Variants in C1RL observed in about 807,000 individuals in gnomAD.
C1RL encodes complement C1r subcomponent like.
C1RL carries 27 observed loss-of-function variants against 27.9 expected under a neutral mutation model. The observed-to-expected ratio is 0.97, with a 90% CI of 0.71 to 1.33. The LOEUF (loss-of-function observed/expected upper bound fraction) is 1.33, where lower values mean the gene tolerates loss of function less well. Ranked by LOEUF, C1RL falls within the 40% of genes most tolerant of loss-of-function variation. C1RL has a pLI of 0.00. For synonymous variants in C1RL, 248 were observed against 252.1 expected, an observed-to-expected ratio of 0.98 and a Z score of 0.15; for missense variants, 563 against 623.9, an observed-to-expected ratio of 0.90 and a Z score of 1.04.
rs1208412230 is a variant in C1RL, at chr12:7,094,644, T to C, written c.*1747A>G. The C allele has an allele frequency of 6.1e-6, 6 of 977,408 alleles. No individual in the cohort carries two copies. In the South Asian group the frequency reaches 1.4e-4, roughly 23 times the overall value. The allele number at this position is 977,408 out of a possible 1,614,324, so 60.5% of individuals were successfully genotyped here. A position where few individuals can be genotyped will look rare whatever the true frequency, so the allele number is the denominator to read the frequency against. On this transcript the variant is annotated 3_prime_UTR_variant, in exon 6 of 6. Coordinates refer to ENST00000266542, the MANE Select transcript of C1RL (RefSeq NM_016546.4). ...AAATAAGCAAAATAAAATAAAAACA[T>C]TTCATGCTCATTAAACAAATTTTAG...
intron 2 of C1RL, among the ~76,000 whole-genome samples, chr12:7,106,971 T>G (rs1180227232): frequency 6.6e-6 from 1 of 152,176 alleles, no homozygotes; most frequent in Non-Finnish European, 1.5e-5. Context: ...AAGCTAGTCC[T>G]TATCTTCTAT....
intron 2 of C1RL, among the ~76,000 whole-genome samples, chr12:7,103,216 C>G (rs1472252222): frequency 6.6e-6 from 1 of 152,218 alleles, no homozygotes; most frequent in Non-Finnish European, 1.5e-5. Context: ...AAATGGTGCT[C>G]AACTGCTCTA....
Position 7,095,105 on chromosome 12 carries a change from T to G in C1RL, c.*1286A>C. Reference sequence around the variant, plus strand: ...TGTATTTTATTTGTGTCTTTCACTGTAAATCACCTCCAATCTTTTTTTTTT... The same window carrying G: ...TGTATTTTATTTGTGTCTTTCACTGGAAATCACCTCCAATCTTTTTTTTTT... On this transcript the variant is annotated 3_prime_UTR_variant, in exon 6 of 6. Transcript: ENST00000266542. The G allele has an allele frequency of 1.6e-6, 2 of 1,232,520 alleles. No individual in the cohort carries two copies. Among genetic ancestry groups the G allele is most frequent in the Non-Finnish European group, 1.0e-6 (1 of 967,912 alleles). The allele number at this position is 1,232,520 out of a possible 1,614,324, so 76.3% of individuals were successfully genotyped here. A position where few individuals can be genotyped will look rare whatever the true frequency, so the allele number is the denominator to read the frequency against.
chr12:7,096,454 G>T lies in C1RL; in HGVS notation c.1401C>A (p.Asp467Glu). The T allele has an allele frequency of 6.2e-7, 1 of 1,614,018 alleles. No homozygotes were observed. The highest frequency in any genetic ancestry group is 8.5e-7 in the Non-Finnish European group (1 of 1,179,980). The part of the protein sequence containing the change: ...SWGIGCGEGY[D>E]FYTKVLSYVD... ...CATAGCTGAGCACCTTGGTGTAGAAGTCATACCCTTCGCCACACCCTATGC... is the reference window on the plus strand; with the variant it reads ...CATAGCTGAGCACCTTGGTGTAGAATTCATACCCTTCGCCACACCCTATGC... Residue 467 changes from aspartate (D) to glutamate (E), a missense_variant, in exon 6 of 6, where the codon GAC becomes GAA. Physicochemically the swap from Asp to Glu is conservative, Grantham distance 45. Coordinates refer to ENST00000266542, the MANE Select transcript of C1RL (RefSeq NM_016546.4).
chr12:7,100,380 C>T (rs1938582990), intron 3 of C1RL, among the ~76,000 whole-genome samples: 1 of 152,104 alleles, frequency 6.6e-6, no homozygotes, highest in African/African-American at 2.4e-5. Flanking sequence ...CACATGTGCT[C>T]AAAGATGTAA....
chr12:7,108,994 G>GTGTGTGTGTGTGTAT lies in C1RL; in HGVS notation c.71+115_71+116insATACACACACACACA, dbSNP rs1365163652. ...GTGTGTGTGTGTGTGTGTGTGGGGGGGGGGGGGATGTGTGTGTGGGGGGGG... is the reference window on the plus strand; with the variant it reads ...GTGTGTGTGTGTGTGTGTGTGGGGGGTGTGTGTGTGTGTATGGGGGGGATGTGTGTGTGGGGGGGG... On this transcript the variant is annotated intron_variant, in intron 1 of 5. Coordinates refer to ENST00000266542, the MANE Select transcript of C1RL (RefSeq NM_016546.4). 193 of 382,620 alleles carry GTGTGTGTGTGTGTAT rather than the reference G, an allele frequency of 5.0e-4. 3 individuals are homozygous for GTGTGTGTGTGTGTAT. The highest frequency in any genetic ancestry group is 1.9e-3 in the Middle Eastern group (3 of 1,570). 23.7% of individuals were successfully genotyped at this position (382,620 alleles called of 1,614,324 possible).
rs11055572 is a variant in C1RL, at chr12:7,095,130, T to G, written c.*1261A>C. The G allele has an allele frequency of 0.041, 50,502 of 1,235,276 alleles. 1,181 individuals carry two copies. The highest frequency in any genetic ancestry group is 0.047 in the Non-Finnish European group (44,816 of 963,732). 76.5% of individuals were successfully genotyped at this position (1,235,276 alleles called of 1,614,324 possible). A position where few individuals can be genotyped will look rare whatever the true frequency, so the allele number is the denominator to read the frequency against. On this transcript the variant is annotated 3_prime_UTR_variant, in exon 6 of 6. Coordinates refer to ENST00000266542, the MANE Select transcript of C1RL (RefSeq NM_016546.4). ...TAAATCACCTCCAATCTTTTTTTTT[T>G]GGGGGGGATGAAGTCTTGGTCTGTC...
rs1179824063 is a variant in C1RL at position 7,095,386 on chromosome 12, T to C, written c.*1005A>G. 9.8e-7 allele frequency: 1 copy of C among 1,017,188 alleles called. No individual in the cohort carries two copies. The highest frequency in any genetic ancestry group is 1.2e-6 in the Non-Finnish European group (1 of 847,010). The allele number at this position is 1,017,188 out of a possible 1,614,324, so 63.0% of individuals were successfully genotyped here. A position where few individuals can be genotyped will look rare whatever the true frequency, so the allele number is the denominator to read the frequency against. Reference sequence around the variant, plus strand: ...ACCTCGGACTCCTAAGGTGTTGGGATTACAGGCGTGAGCCACTGCGCCCGG... The same window carrying C: ...ACCTCGGACTCCTAAGGTGTTGGGACTACAGGCGTGAGCCACTGCGCCCGG... On this transcript the variant is annotated 3_prime_UTR_variant, in exon 6 of 6. Transcript: ENST00000266542.
chr12:7,101,775 G>A, intron 3 of C1RL, 123 bp downstream of exon 3: 1 of 1,030,976 alleles, frequency 9.7e-7, no homozygotes, highest in Non-Finnish European at 1.5e-6. Context: ...CTGGGATCCA[G>A]CCCAGGTGTC....
chr12:7,100,860 A>G (rs1938596817), intron 3 of C1RL, among the ~76,000 whole-genome samples: 2 of 152,144 alleles, frequency 1.3e-5, no homozygotes, highest in African/African-American at 4.8e-5. Flanking sequence ...GATGATCTTT[A>G]AGATATATTA....
At position 7,109,125 on chromosome 12, in the gene C1RL, C is replaced by A; in HGVS notation, c.56G>T (p.Gly19Val). Residue 19 changes from glycine (G) to valine (V), a missense_variant, in exon 1 of 6, where the codon GGC becomes GTC. By Grantham distance (109) the Gly-to-Val change is moderately radical. Transcript: ENST00000266542. ...KYLWRSPHSK[G>V]CPGAMWWLLL... ...CCACACTCACATTGCGCCTGGACAG[C>A]CTTTGGAGTGAGGGCTTCTCCAGAG... 3 of 1,595,490 alleles carry A rather than the reference C, an allele frequency of 1.9e-6. No individual in the cohort carries two copies. The highest frequency in any genetic ancestry group is 1.1e-5 in the South Asian group (1 of 87,938).
At position 7,095,828 on chromosome 12, in the gene C1RL, G is replaced by C; in HGVS notation, c.*563C>G. 1 of 785,526 alleles carries C rather than the reference G, an allele frequency of 1.3e-6. No individual in the cohort carries two copies. The highest frequency in any genetic ancestry group is 1.5e-6 in the Non-Finnish European group (1 of 647,894). The allele number at this position is 785,526 out of a possible 1,614,324, so 48.7% of individuals were successfully genotyped here. A position where few individuals can be genotyped will look rare whatever the true frequency, so the allele number is the denominator to read the frequency against. On this transcript the variant is annotated 3_prime_UTR_variant, in exon 6 of 6. Transcript: ENST00000266542. ...CACATCCTTTGCAAATATGGTATGAGGATTAAGTGAAATAACAGGTGAAGC... is the reference window on the plus strand; with the variant it reads ...CACATCCTTTGCAAATATGGTATGACGATTAAGTGAAATAACAGGTGAAGC...
chr12:7,108,548 G>A, intron 1 of C1RL, 69 bp from the exon 2 acceptor site: 1 of 1,318,630 alleles, frequency 7.6e-7, no homozygotes, highest in South Asian at 1.4e-5. Flanking sequence ...TGTGGGAGGA[G>A]CGGGGGAGCC....
At chr12:7,105,688 A>G (rs775713611) in intron 2 of C1RL, among the ~76,000 whole-genome samples, 2 of 152,284 alleles carry the variant, frequency 1.3e-5, no homozygotes, top group Non-Finnish European at 2.9e-5. Context: ...GACCCACTAT[A>G]GAGAACAGAA....
At chr12:7,097,281 A>C in intron 5 of C1RL, 118 bp from the exon 6 acceptor site, 1 of 805,234 alleles carries the variant, frequency 1.2e-6, no homozygotes, top group Non-Finnish European at 1.8e-6. Flanking sequence ...TGGGATCAGG[A>C]CGTTTTTTTT....
chr12:7,097,884 C>T (rs1219540901), intron 5 of C1RL, among the ~76,000 whole-genome samples: 1 of 152,194 alleles, frequency 6.6e-6, no homozygotes, highest in East Asian at 1.9e-4. Flanking sequence ...TAACATCTCC[C>T]ACTACCACCT....
intron 3 of C1RL, among the ~76,000 whole-genome samples, chr12:7,100,517 G>A (rs1168162376): frequency 6.6e-6 from 1 of 152,212 alleles, no homozygotes; most frequent in Non-Finnish European, 1.5e-5. Context: ...GAGTTCGCCA[G>A]GTGCGGTGGC....
In C1RL at chr12:7,095,479, G is replaced by A. The variant is rs73266769; in HGVS notation, c.*912C>T. The A allele has an allele frequency of 2.1e-3, 2,093 of 991,398 alleles. 44 individuals are homozygous for A. In the African/African-American group the frequency reaches 0.035, roughly 17 times the overall value. The allele number at this position is 991,398 out of a possible 1,614,324, so 61.4% of individuals were successfully genotyped here. On this transcript the variant is annotated 3_prime_UTR_variant, in exon 6 of 6. Transcript: ENST00000266542. ...TCTCAGGTGGAGCAGTTCCCCTGAT[G>A]ATAGGGGCACAGGTGGGGTGTCTGC...
At chr12:7,108,043 G>A in intron 2 of C1RL, 2 of 456,766 alleles carry the variant, frequency 4.4e-6, no homozygotes, top group East Asian at 3.4e-5. Flanking sequence ...TCTTTGCTCT[G>A]TGGGGCCCAG....
Sources: gnomAD v4.1 joint callset for allele counts (sites outside exome capture counted in the v4.1 genomes callset) on GRCh38, gnomAD v4.1.1 for gene constraint, MANE v1.5 for transcripts, NCBI Gene and HGNC (gene_info 2026-07-23, HGNC 2026-07-21) for gene names.